The following NEMP2 variants were observed in gnomAD, a reference collection of about 807,000 sequenced individuals.
NEMP2 encodes nuclear envelope integral membrane protein 2.
In NEMP2, 53 loss-of-function variants were observed where a neutral mutation model predicts 54.2. The observed-to-expected ratio is 0.98, with a 90% CI of 0.78 to 1.23. The LOEUF (loss-of-function observed/expected upper bound fraction) is 1.23. Among genes scored for constraint, NEMP2 ranks in the 50% most tolerant of loss-of-function variants. The pLI is 0.00. For missense variants in NEMP2, 455 were observed against 511.3 expected (o/e 0.89, Z 1.06); for synonymous variants, 197 against 190.3 (o/e 1.04, Z -0.29).
the NEMP2 span, among the ~76,000 whole-genome samples, chr2:190,466,120 T>C: frequency 6.6e-6 from 1 of 152,216 alleles, no homozygotes; most frequent in Non-Finnish European, 1.5e-5. Flanking sequence ...GCTTGTGTCC[T>C]AATCTCTTGG....
the NEMP2 span, among the ~76,000 whole-genome samples, chr2:190,589,832 G>A: frequency 2.6e-5 from 4 of 152,122 alleles, no homozygotes; most frequent in African/African-American, 9.7e-5. The surrounding 1 kb of genome is among the most constrained non-coding windows in gnomAD (Gnocchi z 4.3). Flanking sequence ...TGTTTGGTCT[G>A]CCACTTAGAA....
the NEMP2 span, among the ~76,000 whole-genome samples, chr2:190,645,142 T>G: frequency 6.6e-6 from 1 of 152,210 alleles, no homozygotes; most frequent in Non-Finnish European, 1.5e-5. Flanking sequence ...CAAGTGATAT[T>G]TATTTAAGAC....
chr2:190,643,261 T>A, the NEMP2 span, among the ~76,000 whole-genome samples: 1 of 152,190 alleles, frequency 6.6e-6, no homozygotes, highest in African/African-American at 2.4e-5. Flanking sequence ...AAGCCTTCCA[T>A]GTGGTACCAA....
the NEMP2 span, among the ~76,000 whole-genome samples, chr2:190,498,924 T>C: frequency 1.3e-5 from 2 of 151,698 alleles, no homozygotes; most frequent in African/African-American, 2.4e-5. The surrounding 1 kb of genome is among the most constrained non-coding windows in gnomAD (Gnocchi z 5.9). Flanking sequence ...CCGAGGTGGG[T>C]GGATCACGAG....
At chr2:190,622,338 GC>G in the NEMP2 span, among the ~76,000 whole-genome samples, 1 of 150,346 alleles carries the variant, frequency 6.7e-6, no homozygotes, top group Non-Finnish European at 1.5e-5. Flanking sequence ...AGCCCAGGAG[GC>G]CGAGGTTGCA....
the NEMP2 span, among the ~76,000 whole-genome samples, chr2:190,607,145 A>G: frequency 2.0e-5 from 3 of 152,220 alleles, no homozygotes; most frequent in Non-Finnish European, 4.4e-5. This position sits in a 1 kb window ranked among gnomAD's most constrained non-coding sequence, Gnocchi z 5.2. Flanking sequence ...AGTCAGAGGA[A>G]TGTAATCTTG....
the NEMP2 span, among the ~76,000 whole-genome samples, chr2:190,438,215 T>TAA: frequency 0.017 from 2,584 of 148,952 alleles, 54 homozygotes; most frequent in African/African-American, 0.046. The surrounding 1 kb of genome is among the most constrained non-coding windows in gnomAD (Gnocchi z 5.2). Context: ...CTTTTAGTTA[T>TAA]AAAAAAAAAA....
intron 2 of NEMP2, among the ~76,000 whole-genome samples, chr2:190,524,003 T>G (rs536633076): frequency 6.7e-6 from 1 of 149,912 alleles, no homozygotes; most frequent in African/African-American, 2.5e-5. Flanking sequence ...CGGAGTTCAG[T>G]AGACTCATGG....
chr2:190,644,349 C>T, the NEMP2 span, among the ~76,000 whole-genome samples: 5 of 152,206 alleles, frequency 3.3e-5, no homozygotes, highest in African/African-American at 1.2e-4. The surrounding 1 kb of genome is among the most constrained non-coding windows in gnomAD (Gnocchi z 4.4). Flanking sequence ...TCTCAGCATG[C>T]TTCTGTACTT....
At chr2:190,422,143 TTTAA>T in the NEMP2 span, among the ~76,000 whole-genome samples, 2 of 152,262 alleles carry the variant, frequency 1.3e-5, no homozygotes, top group African/African-American at 4.8e-5. Flanking sequence ...GTTCTGTTTA[TTTAA>T]CTTTCTCTGT....
the NEMP2 span, among the ~76,000 whole-genome samples, chr2:190,481,768 T>C: frequency 6.6e-6 from 1 of 152,220 alleles, no homozygotes; most frequent in Admixed American, 6.5e-5. Context: ...GAATGTTGGC[T>C]TTTAACACAA....
chr2:190,540,257 T>C, the NEMP2 span, among the ~76,000 whole-genome samples: 1 of 151,276 alleles, frequency 6.6e-6, no homozygotes, highest in African/African-American at 2.4e-5. Context: ...TTGCATTCCT[T>C]GGATGAATTC....
At chr2:190,470,357 T>C in the NEMP2 span, among the ~76,000 whole-genome samples, 1 of 152,354 alleles carries the variant, frequency 6.6e-6, no homozygotes, top group South Asian at 2.1e-4. Flanking sequence ...TCTGCTCAAA[T>C]GTCCTGCCCT....
chr2:190,625,193 A>C, the NEMP2 span: 1 of 152,218 alleles, frequency 6.6e-6, no homozygotes, highest in Non-Finnish European at 1.5e-5. Context: ...TAAAATGTGG[A>C]AACAACCCAA....
rs200942153 is a variant in NEMP2, at chr2:190,510,451, G to A, written c.1040C>T (p.Thr347Met). Residue 347 changes from threonine to methionine, a missense_variant, in exon 8 of 9, where the codon ACG becomes ATG. Physicochemically the swap from Thr to Met is moderately conservative, Grantham distance 81. This residue lies in a region of NEMP2 where 294 missense variants were observed against 333.6 expected (regional missense o/e 0.88). Coordinates refer to ENST00000409150, the MANE Select transcript of NEMP2 (RefSeq NM_001142645.2). The surrounding 1 kb of genome is among the most constrained non-coding windows in gnomAD (Gnocchi z 5.7). The stretch of plus-strand genomic sequence containing the variant: ...GCGTAGCTCCTCCAGAGCACTGTTC[G>A]TTTCAGCATCAGCTTGCTCCCTGTA... ...DEYREQADAE[T>M]NSALEELRRA... The A allele has an allele frequency of 3.6e-4, 560 of 1,551,780 alleles. 2 individuals are homozygous for A. The highest frequency in any genetic ancestry group is 1.1e-4 in the Non-Finnish European group (122 of 1,147,010).
At chr2:190,494,548 A>G in the NEMP2 span, among the ~76,000 whole-genome samples, 44 of 152,328 alleles carry the variant, frequency 2.9e-4, no homozygotes, top group African/African-American at 9.9e-4. The surrounding 1 kb of genome is among the most constrained non-coding windows in gnomAD (Gnocchi z 5.7). Context: ...CATAACAAAA[A>G]AAGAAAACTA....
At chr2:190,534,473 C>G in intron 1 of NEMP2, 86 bp downstream of exon 1, 2 of 1,275,190 alleles carry the variant, frequency 1.6e-6, no homozygotes, top group Non-Finnish European at 2.0e-6. Flanking sequence ...CGGTGCCGCC[C>G]GGGCCAAAGA....
At chr2:190,443,215 T>C in the NEMP2 span, among the ~76,000 whole-genome samples, 3 of 152,184 alleles carry the variant, frequency 2.0e-5, no homozygotes, top group Non-Finnish European at 4.4e-5. The surrounding 1 kb of genome is among the most constrained non-coding windows in gnomAD (Gnocchi z 4.2). Flanking sequence ...AACAGGACTT[T>C]AAGGATTGTA....
the NEMP2 span, among the ~76,000 whole-genome samples, chr2:190,642,431 T>C: frequency 6.6e-6 from 1 of 152,144 alleles, no homozygotes; most frequent in Non-Finnish European, 1.5e-5. The surrounding 1 kb of genome is among the most constrained non-coding windows in gnomAD (Gnocchi z 4.1). Context: ...TAAAATACAA[T>C]GGATAAAGGT....
Sources: allele counts gnomAD v4.1 joint callset (sites outside exome capture counted in the v4.1 genomes callset), GRCh38; gene constraint gnomAD v4.1.1; regional missense constraint gnomAD v4.1.1; non-coding constraint Gnocchi (gnomAD v3.1); transcripts MANE v1.5; gene names NCBI Gene and HGNC (gene_info 2026-07-23, HGNC 2026-07-21).